ANK2: variants seen among roughly 807,000 people sequenced by gnomAD.
The protein encoded by ANK2 is ankyrin 2, also known as ankyrin-2.
ANK2 carries 83 observed loss-of-function variants against 360.5 expected under a neutral mutation model. The ratio of observed to expected loss-of-function variants is 0.23; its 90% CI spans 0.19 to 0.28. The LOEUF (loss-of-function observed/expected upper bound fraction) is 0.28, where lower values mean the gene tolerates loss of function less well. ANK2 is among the 10% of genes least tolerant of loss of function. ANK2 has a pLI of 1.00. For synonymous variants in ANK2, 1,740 were observed against 1,759.5 expected, an observed-to-expected ratio of 0.99 and a Z score of 0.28; for missense variants, 4,201 against 4,795.7, an observed-to-expected ratio of 0.88 and a Z score of 3.66.
chr4:112,926,627 C>T (rs754705086), intron 2 of ANK2, among the ~76,000 whole-genome samples: 5 of 152,240 alleles, frequency 3.3e-5, no homozygotes, highest in Admixed American at 1.3e-4. Flanking sequence ...TATTTTATAA[C>T]TTGTAGAGGT....
the ANK2 span, among the ~76,000 whole-genome samples, chr4:112,809,728 A>G: frequency 4.0e-5 from 6 of 149,996 alleles, no homozygotes; most frequent in African/African-American, 1.5e-4. Context: ...CTAAAAATAC[A>G]ACAACTGAGG....
intron 2 of ANK2, among the ~76,000 whole-genome samples, chr4:112,985,887 A>G (rs571730104): frequency 1.3e-5 from 2 of 152,074 alleles, no homozygotes; most frequent in South Asian, 2.1e-4. Context: ...TGCAGTGTAC[A>G]CTGCTCAGGT....
intron 1 of ANK2, among the ~76,000 whole-genome samples, chr4:112,902,141 G>A (rs1359552137): frequency 6.6e-6 from 1 of 152,190 alleles, no homozygotes; most frequent in Non-Finnish European, 1.5e-5. Context: ...TGGTTTTTCA[G>A]TTTCAAAAGG....
At position 113,196,438 on chromosome 4, in the gene ANK2, G is replaced by T. The variant is rs786205731; in HGVS notation, c.257G>T (p.Arg86Ile). ...HVGLVQELLG[R>I]GSSVDSATKK... is the part of the protein sequence containing the mutation. ...GGGCTGGTGCAGGAGCTGCTGGGAA[G>T]AGGGTCCTCTGTGGATTCTGCCACT... The change falls in exon 3 of 46, where the codon AGA (arginine) becomes ATA (isoleucine). Residue 86 changes from arginine to isoleucine, a missense_variant. By Grantham distance (97) the Arg-to-Ile change is moderately conservative. Around this residue, in one of 4 missense-constraint regions of ANK2, gnomAD observed 169 missense variants for 191.1 expected, o/e 0.88. Transcript: ENST00000357077. The T allele has an allele frequency of 6.2e-7, 1 of 1,613,534 alleles. No individual in the cohort carries two copies. Among genetic ancestry groups the T allele is most frequent in the Non-Finnish European group, 8.5e-7 (1 of 1,179,848 alleles).
Position 113,292,340 on chromosome 4 carries a change from T to C in ANK2, c.2278-76T>C, listed in dbSNP as rs936307682. 5.4e-6 allele frequency: 7 copies of C among 1,300,648 alleles called. No individual in the cohort carries two copies. In the African/African-American group the frequency reaches 1.0e-4, roughly 19 times the overall value. The allele number at this position is 1,300,648 out of a possible 1,614,324, so 80.6% of individuals were successfully genotyped here. A position where few individuals can be genotyped will look rare whatever the true frequency, so the allele number is the denominator to read the frequency against. On this transcript the variant is annotated intron_variant, in intron 20 of 45. Coordinates refer to ENST00000357077, the MANE Select transcript of ANK2 (RefSeq NM_001148.6). ...ATGGTTTTGTTGTAAATAAGACTAT[T>C]CAAAATGAAGGCTAACCTAATTTTC...
chr4:113,278,463 G>T lies in ANK2; in HGVS notation c.1786G>T (p.Gly596Cys), dbSNP rs377076801. 3.1e-6 allele frequency: 5 copies of T among 1,613,528 alleles called. No homozygotes were observed. The South Asian group carries it at 3.3e-5, about 11-fold the overall frequency. Residue 596 changes from glycine (G) to cysteine (C), a missense_variant, in exon 17 of 46, where the codon GGC (glycine) becomes TGC (cysteine). Coordinates refer to ENST00000357077, the MANE Select transcript of ANK2 (RefSeq NM_001148.6). ...RAAADSAGKNGLTPLHVAAHY... is the reference protein window; with the variant it reads ...RAAADSAGKNCLTPLHVAAHY... ...AACTTAAACACACCCTTTACAGAAC[G>T]GCCTTACCCCGCTCCATGTTGCTGC...
intron 1 of ANK2, among the ~76,000 whole-genome samples, chr4:112,845,921 T>G (rs1214464371): frequency 6.6e-6 from 1 of 152,202 alleles, no homozygotes; most frequent in Non-Finnish European, 1.5e-5. Context: ...CTGATGGGCG[T>G]GCCCAACCAG....
At chr4:113,196,583 A>C in intron 3 of ANK2, 117 bp downstream of exon 3, 1 of 937,954 alleles carries the variant, frequency 1.1e-6, no homozygotes, top group Non-Finnish European at 1.7e-6. Flanking sequence ...GAAGTAGTGC[A>C]GTGGTACAAT....
At chr4:112,741,383 G>T in the ANK2 span, among the ~76,000 whole-genome samples, 1 of 152,144 alleles carries the variant, frequency 6.6e-6, no homozygotes, top group East Asian at 1.9e-4. Context: ...TCTTCAGAGA[G>T]CTCCCTTTTC....
intron 1 of ANK2, among the ~76,000 whole-genome samples, chr4:112,863,695 T>G (rs1294968590): frequency 9.9e-5 from 15 of 151,992 alleles, no homozygotes; most frequent in Non-Finnish European, 1.5e-5. Flanking sequence ...GCTAATTTTT[T>G]GTATTTTTAG....
chr4:112,876,581 A>C (rs1476808738), intron 1 of ANK2, among the ~76,000 whole-genome samples: 1 of 152,134 alleles, frequency 6.6e-6, no homozygotes, highest in Non-Finnish European at 1.5e-5. Context: ...AGTGTTAAAA[A>C]ACAGATGTAG....
At position 113,341,950 on chromosome 4, in the gene ANK2, C is replaced by A. The variant is rs528068903; in HGVS notation, c.4122+34C>A. ...CCAAAAATAATAATAATAATTTATG[C>A]CATGTTGTTATACCTGCATTAATAG... On this transcript the variant is annotated intron_variant, in intron 33 of 45. Coordinates refer to ENST00000357077, the MANE Select transcript of ANK2 (RefSeq NM_001148.6). 8.8e-6 allele frequency: 13 copies of A among 1,479,268 alleles called. No homozygotes were observed. In the Admixed American group the frequency reaches 1.8e-4, roughly 21 times the overall value. 91.6% of individuals were successfully genotyped at this position (1,479,268 alleles called of 1,614,324 possible).
At position 113,367,981 on chromosome 4, in the gene ANK2, GCT is replaced by G; in HGVS notation, c.11318+131_11318+132del. ...GACCCTACCAAACACAAGTGCCAGAGCTAAAGGGGAAAAAAAAAGCGTTAACA... is the reference window on the plus strand; with the variant it reads ...GACCCTACCAAACACAAGTGCCAGAGAAAGGGGAAAAAAAAAGCGTTAACA... On this transcript the variant is annotated intron_variant, in intron 42 of 45. Coordinates refer to ENST00000357077, the MANE Select transcript of ANK2 (RefSeq NM_001148.6). 3.6e-6 allele frequency: 4 copies of G among 1,107,458 alleles called. No individual in the cohort carries two copies. The Admixed American group carries it at 9.1e-5, about 25-fold the overall frequency. The allele number at this position is 1,107,458 out of a possible 1,614,324, so 68.6% of individuals were successfully genotyped here.
At chr4:113,280,366 G>A (rs1376749438) in intron 17 of ANK2, among the ~76,000 whole-genome samples, 4 of 152,104 alleles carry the variant, frequency 2.6e-5, no homozygotes, top group African/African-American at 4.8e-5. Flanking sequence ...AGGCATGCAC[G>A]TACCGAGTTC....
intron 27 of ANK2, among the ~76,000 whole-genome samples, chr4:113,330,917 T>C (rs1412023831): frequency 6.6e-6 from 1 of 152,248 alleles, no homozygotes; most frequent in Admixed American, 6.5e-5. Context: ...TACCTACAAA[T>C]TTAATCAATG....
the ANK2 span, among the ~76,000 whole-genome samples, chr4:112,807,611 G>A: frequency 6.6e-6 from 1 of 152,270 alleles, no homozygotes; most frequent in African/African-American, 2.4e-5. Context: ...TAAAATAGGT[G>A]GTTTGTGAGT....
the ANK2 span, among the ~76,000 whole-genome samples, chr4:112,728,449 C>G: frequency 0.1 from 15,218 of 151,774 alleles, 946 homozygotes; most frequent in Middle Eastern, 0.15. Context: ...TCTACTAAGA[C>G]TGAATCATGA....
intron 45 of ANK2, among the ~76,000 whole-genome samples, chr4:113,379,386 T>C (rs2097088063): frequency 6.6e-6 from 1 of 152,218 alleles, no homozygotes; most frequent in Admixed American, 6.5e-5. Context: ...TTATGGAAGC[T>C]AGTTAGTTAC....
intron 1 of ANK2, among the ~76,000 whole-genome samples, chr4:112,884,630 T>TA (rs2077738678): frequency 6.6e-6 from 1 of 152,234 alleles, no homozygotes; most frequent in South Asian, 2.1e-4. Context: ...AGCCTCATTC[T>TA]AGCTCTCCAG....
Sources: gnomAD v4.1 joint callset for allele counts (sites outside exome capture counted in the v4.1 genomes callset) on GRCh38, gnomAD v4.1.1 for gene constraint, gnomAD v4.1.1 regional missense constraint, MANE v1.5 for transcripts, NCBI Gene and HGNC (gene_info 2026-07-23, HGNC 2026-07-21) for gene names.